The following CLDN10 variants were observed in gnomAD, a reference collection of about 807,000 sequenced individuals.
The protein encoded by CLDN10 is claudin 10.
Under a neutral mutation model 22.9 loss-of-function variants are expected in CLDN10, and 15 were observed. That is an observed-to-expected ratio of 0.65 (90% CI 0.44 to 1.01). The LOEUF (loss-of-function observed/expected upper bound fraction) is 1.01, where lower values mean the gene tolerates loss of function less well. CLDN10 is among the 50% of genes least tolerant of loss of function. CLDN10 has a pLI of 0.00. For missense variants in CLDN10, 247 were observed against 287.8 expected, an observed-to-expected ratio of 0.86 and a Z score of 1.03; for synonymous variants, 114 against 111.4, an observed-to-expected ratio of 1.02 and a Z score of -0.15.
chr13:95,462,450 A>G (rs1402012687), intron 1 of CLDN10, among the ~76,000 whole-genome samples: 7 of 152,346 alleles, frequency 4.6e-5, no homozygotes, highest in Admixed American at 2.0e-4. Context: ...TCAGAAGTAA[A>G]TAACTTTCAT....
intron 1 of CLDN10, among the ~76,000 whole-genome samples, chr13:95,541,238 AG>A (rs1452209061): frequency 1.3e-5 from 2 of 152,248 alleles, no homozygotes; most frequent in African/African-American, 4.8e-5. Flanking sequence ...TGTTGGAGGC[AG>A]GGAGGAATTC....
chr13:95,484,545 T>A (rs1566294585), intron 1 of CLDN10, among the ~76,000 whole-genome samples: 1 of 151,974 alleles, frequency 6.6e-6, no homozygotes, highest in Non-Finnish European at 1.5e-5. Flanking sequence ...TGTAAGTGTG[T>A]AAAGAAGCAG....
intron 1 of CLDN10, among the ~76,000 whole-genome samples, chr13:95,463,811 AAAAAG>A (rs1421382361): frequency 6.6e-6 from 1 of 152,082 alleles, no homozygotes; most frequent in Non-Finnish European, 1.5e-5. Context: ...GTCTTTGGAC[AAAAAG>A]AGTTGTCCAA....
chr13:95,574,279 G>A (rs904875950), intron 3 of CLDN10, among the ~76,000 whole-genome samples: 7 of 151,964 alleles, frequency 4.6e-5, no homozygotes, highest in Non-Finnish European at 8.8e-5. Context: ...TAGAAAGAAG[G>A]AAAAGTCTCT....
intron 1 of CLDN10, among the ~76,000 whole-genome samples, chr13:95,478,735 C>A (rs1413527035): frequency 6.6e-6 from 1 of 152,182 alleles, no homozygotes; most frequent in Non-Finnish European, 1.5e-5. Context: ...CTGTCGCTGG[C>A]GGTTTCATTA....
chr13:95,444,284 C>T (rs2042351281), intron 1 of CLDN10, among the ~76,000 whole-genome samples: 1 of 152,192 alleles, frequency 6.6e-6, no homozygotes, highest in Non-Finnish European at 1.5e-5. Context: ...TAGAAAGCGC[C>T]ACTGCTCCTA....
intron 1 of CLDN10, among the ~76,000 whole-genome samples, chr13:95,467,742 G>T (rs1193312627): frequency 6.6e-6 from 1 of 152,194 alleles, no homozygotes; most frequent in East Asian, 1.9e-4. Context: ...CCCAAGATCT[G>T]CAGCCAACCA....
intron 1 of CLDN10, among the ~76,000 whole-genome samples, chr13:95,545,894 G>T (rs994570672): frequency 6.6e-6 from 1 of 152,226 alleles, no homozygotes; most frequent in East Asian, 1.9e-4. Flanking sequence ...CTGAGAGCAC[G>T]GGCCAGAGCT....
intron 3 of CLDN10, among the ~76,000 whole-genome samples, chr13:95,570,436 C>T (rs1387435233): frequency 2.0e-5 from 3 of 152,186 alleles, no homozygotes; most frequent in Non-Finnish European, 4.4e-5. Flanking sequence ...TTTACTTTGG[C>T]TAACAAAGAT....
chr13:95,539,911 T>C (rs1030188175), intron 1 of CLDN10, among the ~76,000 whole-genome samples: 3 of 152,298 alleles, frequency 2.0e-5, no homozygotes, highest in African/African-American at 7.2e-5. Context: ...TATCAGCACT[T>C]TGGGAGGTCG....
chr13:95,495,528 A>G (rs1381480065), intron 1 of CLDN10, among the ~76,000 whole-genome samples: 2 of 151,418 alleles, frequency 1.3e-5, no homozygotes, highest in Non-Finnish European at 2.9e-5. Context: ...GTGGATCATG[A>G]GGTCAGGAGA....
chr13:95,441,526 C>A (rs2042324607), intron 1 of CLDN10, among the ~76,000 whole-genome samples: 1 of 152,150 alleles, frequency 6.6e-6, no homozygotes, highest in Admixed American at 6.5e-5. Context: ...TAAGCATGAG[C>A]CACCACACCT....
intron 1 of CLDN10, among the ~76,000 whole-genome samples, chr13:95,521,982 T>C (rs553282147): frequency 1.4e-5 from 2 of 143,438 alleles, no homozygotes; most frequent in Non-Finnish European, 3.1e-5. Flanking sequence ...TTTCTTTCTT[T>C]AATGACTGCA....
intron 1 of CLDN10, among the ~76,000 whole-genome samples, chr13:95,439,312 C>A (rs1424822634): frequency 6.6e-6 from 1 of 151,346 alleles, no homozygotes; most frequent in African/African-American, 2.4e-5. Context: ...GTGGAAGGGG[C>A]AAGGCAGCTC....
intron 1 of CLDN10, among the ~76,000 whole-genome samples, chr13:95,500,610 G>A (rs1242597915): frequency 6.6e-6 from 1 of 152,182 alleles, no homozygotes; most frequent in Non-Finnish European, 1.5e-5. Flanking sequence ...GCAAGTGGAG[G>A]AAGGATGCAC....
chr13:95,483,009 T>A (rs2042766056), intron 1 of CLDN10, among the ~76,000 whole-genome samples: 1 of 152,162 alleles, frequency 6.6e-6, no homozygotes, highest in South Asian at 2.1e-4. Context: ...AATAAGCCCA[T>A]TAAACATCAC....
intron 1 of CLDN10, among the ~76,000 whole-genome samples, chr13:95,555,832 G>A (rs1455271008): frequency 1.3e-5 from 2 of 152,100 alleles, no homozygotes; most frequent in Admixed American, 1.3e-4. Flanking sequence ...GCATTCCCAG[G>A]TCAGCCACAT....
At chr13:95,471,887 G>A (rs1040688150) in intron 1 of CLDN10, among the ~76,000 whole-genome samples, 5 of 149,364 alleles carry the variant, frequency 3.3e-5, no homozygotes, top group African/African-American at 1.0e-4. Flanking sequence ...CAGTCTTCCC[G>A]CCTCAGCCTC....
chr13:95,476,474 G>A (rs2042687024), intron 1 of CLDN10, among the ~76,000 whole-genome samples: 1 of 152,124 alleles, frequency 6.6e-6, no homozygotes, highest in South Asian at 2.1e-4. Flanking sequence ...CCCATTAATG[G>A]GGGCTCCACC....
Sources: gnomAD v4.1 joint callset for allele counts (sites outside exome capture counted in the v4.1 genomes callset) on GRCh38, gnomAD v4.1.1 for gene constraint, MANE v1.5 for transcripts, NCBI Gene and HGNC (gene_info 2026-07-23, HGNC 2026-07-21) for gene names.